Variants in TFCP2 observed in about 807,000 individuals in gnomAD.
TFCP2 encodes the protein alpha-globin transcription factor CP2.
Under a neutral mutation model 73.4 loss-of-function variants are expected in TFCP2, and 33 were observed. The ratio of observed to expected loss-of-function variants is 0.45; its 90% CI spans 0.34 to 0.60. The LOEUF (loss-of-function observed/expected upper bound fraction) is 0.60. Among genes scored for constraint, TFCP2 ranks in the 20% least tolerant of loss-of-function variants. The pLI is 0.01. For missense variants in TFCP2, 352 were observed against 604.0 expected, an observed-to-expected ratio of 0.58 and a Z score of 4.37; for synonymous variants, 193 against 211.6, an observed-to-expected ratio of 0.91 and a Z score of 0.76.
At position 51,117,657 on chromosome 12, in the gene TFCP2, T is replaced by C; in HGVS notation, c.351+14A>G. Reference sequence around the variant, plus strand: ...TAAAAAATATTGTACAGAAGAATGATTTATTCGTTTTACCTTCACCAATTT... The same window carrying C: ...TAAAAAATATTGTACAGAAGAATGACTTATTCGTTTTACCTTCACCAATTT... On this transcript the variant is annotated intron_variant, in intron 3 of 14. Coordinates refer to ENST00000257915, the MANE Select transcript of TFCP2 (RefSeq NM_005653.5). 2 of 1,594,798 alleles carry C rather than the reference T, an allele frequency of 1.3e-6. No individual in the cohort carries two copies. The highest frequency in any genetic ancestry group is 1.7e-6 in the Non-Finnish European group (2 of 1,164,652).
intron 1 of TFCP2, among the ~76,000 whole-genome samples, chr12:51,170,705 G>A (rs1256169276): frequency 2.6e-5 from 4 of 151,014 alleles, no homozygotes; most frequent in African/African-American, 7.3e-5. Flanking sequence ...TTGAGACGGA[G>A]TTTTACTCTT....
intron 1 of TFCP2, among the ~76,000 whole-genome samples, chr12:51,146,176 T>C (rs747947973): frequency 6.6e-6 from 1 of 151,900 alleles, no homozygotes. Context: ...CATGGTGGCA[T>C]GCTCAGCTGT....
rs191825514 is a variant in TFCP2, at chr12:51,126,100, T to G, written c.123-7328A>C. ...CAACAAAAATTAGCCGGGCGTGGTG[T>G]TGGGCGCCTGTAGTCCCAGCTACTT... On this transcript the variant is annotated intron_variant, in intron 1 of 14. Coordinates refer to ENST00000257915, the MANE Select transcript of TFCP2 (RefSeq NM_005653.5). Among the ~76,000 whole-genome samples, 823 of 151,690 alleles carry G rather than the reference T, an allele frequency of 5.4e-3. 4 individuals are homozygous for G. Among genetic ancestry groups the G allele is most frequent in the African/African-American group, 0.017 (721 of 41,366 alleles).
At chr12:51,117,311 C>G (rs998979343) in intron 3 of TFCP2, among the ~76,000 whole-genome samples, 2 of 152,184 alleles carry the variant, frequency 1.3e-5, no homozygotes, top group Non-Finnish European at 2.9e-5. Context: ...ATCAAAGTAG[C>G]TTCTGTTTTC....
chr12:51,120,177 C>CAAA (rs33982936), intron 1 of TFCP2, among the ~76,000 whole-genome samples: 8 of 57,262 alleles, frequency 1.4e-4, no homozygotes, highest in East Asian at 5.8e-4. Context: ...GACTCTGTCT[C>CAAA]AAAAAAAAAA....
intron 4 of TFCP2, among the ~76,000 whole-genome samples, chr12:51,115,813 T>A (rs1243690557): frequency 2.0e-5 from 3 of 152,228 alleles, no homozygotes; most frequent in Non-Finnish European, 4.4e-5. Context: ...AAATACTGTA[T>A]GATTTCATTT....
At chr12:51,166,973 C>T (rs1356735123) in intron 1 of TFCP2, among the ~76,000 whole-genome samples, 3 of 152,138 alleles carry the variant, frequency 2.0e-5, no homozygotes, top group Non-Finnish European at 4.4e-5. Flanking sequence ...CACTAGTAGT[C>T]CCTCTCCATT....
intron 1 of TFCP2, among the ~76,000 whole-genome samples, chr12:51,123,936 G>A (rs1030591123): frequency 2.0e-5 from 3 of 152,142 alleles, no homozygotes; most frequent in Admixed American, 6.6e-5. Context: ...CCTAAACTAA[G>A]CTATGTTATC....
chr12:51,120,154 G>A lies in TFCP2; in HGVS notation c.123-1382C>T, dbSNP rs566543203. ...GATCGTGGCACTGCACTCCAGCCTG[G>A]GCAACAAAGCAAGACTCTGTCTCAA... On this transcript the variant is annotated intron_variant, in intron 1 of 14. Coordinates refer to ENST00000257915, the MANE Select transcript of TFCP2 (RefSeq NM_005653.5). Among the ~76,000 whole-genome samples the A allele has an allele frequency of 1.3e-3, 175 of 135,696 alleles. 2 individuals carry two copies. Among genetic ancestry groups the A allele is most frequent in the Non-Finnish European group, 4.0e-4 (26 of 64,930 alleles). 89.0% of individuals were successfully genotyped at this position (135,696 alleles called of 152,430 possible).
intron 7 of TFCP2, 186 bp from the exon 8 acceptor site, chr12:51,106,799 T>C (rs1362344915): frequency 3.5e-6 from 2 of 565,144 alleles, no homozygotes; most frequent in East Asian, 3.5e-5. Context: ...CTGCTGAGAA[T>C]AGGACTTCTA....
At chr12:51,163,349 G>T (rs1941689414) in intron 1 of TFCP2, among the ~76,000 whole-genome samples, 1 of 151,992 alleles carries the variant, frequency 6.6e-6, no homozygotes, top group Middle Eastern at 3.2e-3. Flanking sequence ...CAGCACTTTG[G>T]GAGGCCAAGG....
chr12:51,105,844 G>A (rs1022661652), intron 8 of TFCP2, among the ~76,000 whole-genome samples: 6 of 152,038 alleles, frequency 3.9e-5, no homozygotes, highest in Admixed American at 6.6e-5. Flanking sequence ...CAATATACTC[G>A]CACATTTGGT....
chr12:51,104,525 T>A (rs746654491), intron 8 of TFCP2, among the ~76,000 whole-genome samples: 1 of 151,592 alleles, frequency 6.6e-6, no homozygotes, highest in Admixed American at 6.6e-5. Context: ...TTTACTAAGA[T>A]GAAAAATTAT....
chr12:51,111,874 A>G (rs1374199807), intron 4 of TFCP2, among the ~76,000 whole-genome samples: 1 of 143,890 alleles, frequency 6.9e-6, no homozygotes, highest in African/African-American at 2.6e-5. Context: ...AATTATTTTT[A>G]GGCCAGGCGT....
At position 51,101,963 on chromosome 12, in the gene TFCP2, T is replaced by G. The variant is rs1164034623; in HGVS notation, c.1123A>C (p.Ile375Leu). ...VIQICGPADGIRLFNALKGRM... is the reference protein window; with the variant it reads ...VIQICGPADGLRLFNALKGRM... ...CCTTTTAATGCATTAAAAAGTCTGA[T>G]TCCATCTGCAGGGCCACAGATTTGG... Residue 375 changes from isoleucine to leucine, a missense_variant, in exon 11 of 15, where the codon ATC (isoleucine) becomes CTC (leucine). Coordinates refer to ENST00000257915, the MANE Select transcript of TFCP2 (RefSeq NM_005653.5). 6.2e-7 allele frequency: 1 copy of G among 1,613,162 alleles called. No individual in the cohort carries two copies.
chr12:51,130,694 A>G (rs1592813496), intron 1 of TFCP2, among the ~76,000 whole-genome samples: 1 of 148,820 alleles, frequency 6.7e-6, no homozygotes, highest in South Asian at 2.1e-4. Context: ...GTCTATACTT[A>G]AAAAAAAACT....
chr12:51,126,379 G>T (rs536237113), intron 1 of TFCP2, among the ~76,000 whole-genome samples: 2 of 152,076 alleles, frequency 1.3e-5, no homozygotes, highest in African/African-American at 4.8e-5. Flanking sequence ...GAGTGAAAGA[G>T]GAACAGAAGC....
At chr12:51,101,246 A>G (rs909187870) in intron 11 of TFCP2, among the ~76,000 whole-genome samples, 1 of 152,216 alleles carries the variant, frequency 6.6e-6, no homozygotes, top group African/African-American at 2.4e-5. Flanking sequence ...TGGAGCTTGC[A>G]GTGAGCCAAG....
In TFCP2 at chr12:51,157,681, C is replaced by CTTTTTTTTTTTTTTT. The variant is rs770963610; in HGVS notation, c.122+14619_122+14620insAAAAAAAAAAAAAAA. ...TTCAGTAATTTGAGTTTTTTCTTTT[C>CTTTTTTTTTTTTTTT]TTTTCTTTTTTTTTTTTTTTTTTGA... On this transcript the variant is annotated intron_variant, in intron 1 of 14. Coordinates refer to ENST00000257915, the MANE Select transcript of TFCP2 (RefSeq NM_005653.5). Among the ~76,000 whole-genome samples the CTTTTTTTTTTTTTTT allele has an allele frequency of 1.2e-4, 9 of 77,288 alleles. 1 individual carries two copies. The highest frequency in any genetic ancestry group is 2.0e-4 in the Non-Finnish European group (8 of 40,722). 50.7% of individuals were successfully genotyped at this position (77,288 alleles called of 152,430 possible).
Sources: gnomAD v4.1 joint callset for allele counts (sites outside exome capture counted in the v4.1 genomes callset) on GRCh38, gnomAD v4.1.1 for gene constraint, MANE v1.5 for transcripts, NCBI Gene and HGNC (gene_info 2026-07-23, HGNC 2026-07-21) for gene names.